Variants in ADCY1 observed in about 807,000 individuals in gnomAD.
The protein encoded by ADCY1 is adenylate cyclase 1.
ADCY1 carries 28 observed loss-of-function variants against 105.4 expected under a neutral mutation model. That is an observed-to-expected ratio of 0.27 (90% confidence interval 0.20 to 0.36). The LOEUF (loss-of-function observed/expected upper bound fraction) is 0.36. Ranked by LOEUF, ADCY1 falls within the 10% of genes least tolerant of loss-of-function variation. The pLI, the probability that ADCY1 is intolerant of heterozygous loss-of-function variation, is 1.00. For missense variants in ADCY1, 977 were observed against 1,434.2 expected (o/e 0.68, Z 5.15); for synonymous variants, 655 against 623.8 (o/e 1.05, Z -0.75).
chr7:45,706,512 A>AAAAAG (rs1554332713), intron 17 of ADCY1, among the ~76,000 whole-genome samples: 15 of 135,486 alleles, frequency 1.1e-4, no homozygotes, highest in Non-Finnish European at 1.3e-4. Context: ...AAAAAAAAAA[A>AAAAAG]AGAATATAGA....
At chr7:45,607,818 C>T (rs905942015) in intron 2 of ADCY1, among the ~76,000 whole-genome samples, 63 of 152,102 alleles carry the variant, frequency 4.1e-4, no homozygotes, top group Non-Finnish European at 1.0e-4. Flanking sequence ...GTATATGTAC[C>T]ACATTTTCTT....
intron 3 of ADCY1, among the ~76,000 whole-genome samples, chr7:45,614,267 G>A (rs1279291381): frequency 6.6e-6 from 1 of 152,084 alleles, no homozygotes; most frequent in Admixed American, 6.5e-5. Flanking sequence ...AATAAATTAT[G>A]AAGAAGTTAA....
rs1785213764 is a variant in ADCY1, at chr7:45,710,669, A to T, written c.3057+17A>T. 3.7e-6 allele frequency: 6 copies of T among 1,604,098 alleles called. No homozygotes were observed. The highest frequency in any genetic ancestry group is 3.4e-6 in the Non-Finnish European group (4 of 1,175,746). ...AGAATCCAGGTCAGTTCACCAAGAA[A>T]CCCCTAAGGCATGGGTGCCCATTCT... is the stretch of plus-strand genomic sequence containing the variant. On this transcript the variant is annotated intron_variant, in intron 19 of 19. Coordinates refer to ENST00000297323, the MANE Select transcript of ADCY1 (RefSeq NM_021116.4). The surrounding 1 kb of genome is among the most constrained non-coding windows in gnomAD (Gnocchi z 4.7).
At chr7:45,654,402 G>C (rs1584306536) in intron 5 of ADCY1, among the ~76,000 whole-genome samples, 1 of 152,200 alleles carries the variant, frequency 6.6e-6, no homozygotes, top group South Asian at 2.1e-4. Flanking sequence ...AATTAAATTA[G>C]AAGTAAATGG....
rs375452935 is a variant in ADCY1, at chr7:45,583,245, G to A, written c.639+8063G>A. On this transcript the variant is annotated intron_variant, in intron 1 of 19. Transcript: ENST00000297323. Reference sequence around the variant, plus strand: ...TGCATGTGTGTTCTTACATGTGCATGTGTTTCCATGCGTGTATGCTTGTGT... The same window carrying A: ...TGCATGTGTGTTCTTACATGTGCATATGTTTCCATGCGTGTATGCTTGTGT... 8.4e-4 allele frequency among the ~76,000 whole-genome samples: 128 copies of A among 152,366 alleles called. 2 individuals carry two copies. In the South Asian group the frequency reaches 0.018, roughly 22 times the overall value.
chr7:45,702,316 C>T (rs1785014175), intron 14 of ADCY1, among the ~76,000 whole-genome samples: 1 of 152,214 alleles, frequency 6.6e-6, no homozygotes, highest in Non-Finnish European at 1.5e-5. Context: ...GTGTTACACC[C>T]ATTTTACAAT....
intron 5 of ADCY1, among the ~76,000 whole-genome samples, chr7:45,657,173 A>G (rs899655934): frequency 6.6e-6 from 1 of 152,216 alleles, no homozygotes; most frequent in African/African-American, 2.4e-5. Context: ...TGTGGCCTCC[A>G]GGCCTTGACC....
At chr7:45,652,060 G>A (rs749628729) in intron 5 of ADCY1, among the ~76,000 whole-genome samples, 2 of 152,206 alleles carry the variant, frequency 1.3e-5, no homozygotes, top group African/African-American at 2.4e-5. Context: ...CAATCATGGC[G>A]GAAGGCAAAG....
intron 5 of ADCY1, 102 bp from the exon 6 acceptor site, chr7:45,657,625 C>A: frequency 1.6e-6 from 2 of 1,272,898 alleles, no homozygotes; most frequent in Non-Finnish European, 2.2e-6. Context: ...AAGGACAAGA[C>A]CCAGTTTCCC....
Position 45,714,133 on chromosome 7 carries a change from C to G in ADCY1, c.*138C>G, listed in dbSNP as rs149308073. On this transcript the variant is annotated 3_prime_UTR_variant, in exon 20 of 20. Coordinates refer to ENST00000297323, the MANE Select transcript of ADCY1 (RefSeq NM_021116.4). ...TGCCAGGGTGGAGGAGGAGCATTGT[C>G]CAGGCATGGCCTGTGGCCCGAGGGC... The G allele has an allele frequency of 5.9e-4, 354 of 604,758 alleles. 2 individuals carry two copies. The East Asian group carries it at 8.8e-3, about 15-fold the overall frequency. The allele number at this position is 604,758 out of a possible 1,614,324, so 37.5% of individuals were successfully genotyped here. A position where few individuals can be genotyped will look rare whatever the true frequency, so the allele number is the denominator to read the frequency against.
At chr7:45,658,293 C>T (rs1794993213) in intron 6 of ADCY1, among the ~76,000 whole-genome samples, 2 of 152,228 alleles carry the variant, frequency 1.3e-5, no homozygotes, top group Admixed American at 1.3e-4. Context: ...TCCTTCTCCA[C>T]CCCCAAGCTC....
In ADCY1 at chr7:45,599,175, T is replaced by G. The variant is rs1490598966; in HGVS notation, c.789+6267T>G. On this transcript the variant is annotated intron_variant, in intron 2 of 19. Coordinates refer to ENST00000297323, the MANE Select transcript of ADCY1 (RefSeq NM_021116.4). ...TCAGAGGCTCTAGAATGCTCCCAGC[T>G]CCCAACTTGTTGGTCATATGGCCTC... Among the ~76,000 whole-genome samples the G allele has an allele frequency of 2.0e-5, 3 of 152,094 alleles. No homozygotes were observed. In the East Asian group the frequency reaches 5.8e-4, roughly 29 times the overall value.
At chr7:45,621,073 T>C (rs530871013) in intron 3 of ADCY1, among the ~76,000 whole-genome samples, 1 of 152,080 alleles carries the variant, frequency 6.6e-6, no homozygotes. Flanking sequence ...TTTGTTCAAA[T>C]CCTTTTTTTT....
intron 2 of ADCY1, among the ~76,000 whole-genome samples, chr7:45,599,378 T>C (rs186533835): frequency 6.6e-6 from 1 of 151,510 alleles, no homozygotes. Context: ...TCAGTCTCCT[T>C]AGCTCTCCAG....
At chr7:45,638,481 C>CTTTTTTTTTTTTTT (rs34719678) in intron 4 of ADCY1, among the ~76,000 whole-genome samples, 2 of 132,742 alleles carry the variant, frequency 1.5e-5, no homozygotes, top group Non-Finnish European at 1.6e-5. Context: ...CAGTTTGCTC[C>CTTTTTTTTTTTTTT]TTTTTTTTTT....
intron 8 of ADCY1, among the ~76,000 whole-genome samples, chr7:45,667,561 A>G (rs939052329): frequency 6.6e-6 from 1 of 152,150 alleles, no homozygotes; most frequent in African/African-American, 2.4e-5. Flanking sequence ...GTCAGGTGGC[A>G]TGATGCCTCC....
chr7:45,606,837 CT>C (rs1793387769), intron 2 of ADCY1, among the ~76,000 whole-genome samples: 2 of 152,166 alleles, frequency 1.3e-5, no homozygotes, highest in South Asian at 4.2e-4. Context: ...TTCATATTAG[CT>C]TTTATACTTT....
At chr7:45,599,073 T>C (rs1793151289) in intron 2 of ADCY1, among the ~76,000 whole-genome samples, 2 of 152,178 alleles carry the variant, frequency 1.3e-5, no homozygotes, top group Non-Finnish European at 2.9e-5. Flanking sequence ...ACATGACTCC[T>C]GTGTGCTGTC....
At chr7:45,671,340 A>G (rs1282984845) in intron 8 of ADCY1, among the ~76,000 whole-genome samples, 2 of 152,236 alleles carry the variant, frequency 1.3e-5, no homozygotes, top group Admixed American at 6.5e-5. Flanking sequence ...CGCTTGTTGA[A>G]GGACATTTCT....
Sources: gnomAD v4.1 joint callset for allele counts (sites outside exome capture counted in the v4.1 genomes callset) on GRCh38, gnomAD v4.1.1 for gene constraint, Gnocchi (gnomAD v3.1) non-coding constraint, MANE v1.5 for transcripts, NCBI Gene and HGNC (gene_info 2026-07-23, HGNC 2026-07-21) for gene names.